RUNDC3B: variants seen among roughly 807,000 people sequenced by gnomAD.
The protein encoded by RUNDC3B is RUN domain-containing protein 3B.
Under a neutral mutation model 58.4 loss-of-function variants are expected in RUNDC3B, and 33 were observed. The observed-to-expected ratio is 0.56, with a 90% confidence interval of 0.43 to 0.75. The LOEUF is 0.75. RUNDC3B is among the 30% of genes least tolerant of loss of function. RUNDC3B has a pLI of 0.00. For missense variants in RUNDC3B, 501 were observed against 535.7 expected, an observed-to-expected ratio of 0.94 and a Z score of 0.64; for synonymous variants, 193 against 195.2, an observed-to-expected ratio of 0.99 and a Z score of 0.10.
At chr7:87,771,462 T>C (rs896650829) in intron 7 of RUNDC3B, among the ~76,000 whole-genome samples, 1 of 152,162 alleles carries the variant, frequency 6.6e-6, no homozygotes, top group Admixed American at 6.5e-5. Context: ...AAACTTTTCA[T>C]GCGCTATTAA....
chr7:87,749,497 G>A (rs933775596), intron 6 of RUNDC3B, among the ~76,000 whole-genome samples: 3 of 152,096 alleles, frequency 2.0e-5, no homozygotes, highest in Non-Finnish European at 4.4e-5. Flanking sequence ...AAGCCAGTTA[G>A]CATCACTAGT....
chr7:87,798,687 AT>A (rs994252389), intron 8 of RUNDC3B, among the ~76,000 whole-genome samples: 1 of 151,942 alleles, frequency 6.6e-6, no homozygotes, highest in South Asian at 2.1e-4. Context: ...GAGTCACTTG[AT>A]TTTTTTTAAG....
intron 6 of RUNDC3B, among the ~76,000 whole-genome samples, chr7:87,761,663 A>G (rs906321255): frequency 1.3e-5 from 2 of 151,920 alleles, no homozygotes; most frequent in African/African-American, 4.8e-5. Context: ...GTTGATACCT[A>G]CCACAACATG....
intron 6 of RUNDC3B, among the ~76,000 whole-genome samples, chr7:87,748,925 A>G (rs2130826818): frequency 6.6e-6 from 1 of 152,314 alleles, no homozygotes; most frequent in East Asian, 1.9e-4. Flanking sequence ...ATGCAGCAGG[A>G]TGATGTTTTG....
At chr7:87,749,225 C>T (rs1243717809) in intron 6 of RUNDC3B, among the ~76,000 whole-genome samples, 1 of 152,180 alleles carries the variant, frequency 6.6e-6, no homozygotes, top group African/African-American at 2.4e-5. Context: ...TTTTCCTCTC[C>T]TACTTACATG....
At chr7:87,708,891 A>G (rs1286588983) in intron 3 of RUNDC3B, among the ~76,000 whole-genome samples, 1 of 152,188 alleles carries the variant, frequency 6.6e-6, no homozygotes. Flanking sequence ...GGCTTAGCAC[A>G]TATTAATTAC....
At chr7:87,803,025 AC>A (rs1836255209) in intron 8 of RUNDC3B, among the ~76,000 whole-genome samples, 1 of 152,210 alleles carries the variant, frequency 6.6e-6, no homozygotes, top group African/African-American at 2.4e-5. Context: ...TGTTTAAAAA[AC>A]ATAAGAAAAA....
chr7:87,721,694 A>G (rs1208899914), intron 4 of RUNDC3B, among the ~76,000 whole-genome samples: 2 of 152,054 alleles, frequency 1.3e-5, no homozygotes, highest in Non-Finnish European at 2.9e-5. Context: ...GCACTTTCTA[A>G]GATTGAGCAA....
At chr7:87,734,941 A>G (rs1258218737) in intron 4 of RUNDC3B, among the ~76,000 whole-genome samples, 1 of 151,978 alleles carries the variant, frequency 6.6e-6, no homozygotes, top group Non-Finnish European at 1.5e-5. Flanking sequence ...GACTGTTCAT[A>G]TTCTCTGGGC....
intron 4 of RUNDC3B, among the ~76,000 whole-genome samples, chr7:87,732,001 G>T (rs1022320104): frequency 1.5e-4 from 23 of 152,098 alleles, no homozygotes; most frequent in Admixed American, 1.5e-3. Flanking sequence ...ATTTTGAAGG[G>T]TATGTTATGT....
intron 6 of RUNDC3B, among the ~76,000 whole-genome samples, chr7:87,766,074 G>T (rs1426471038): frequency 6.6e-6 from 1 of 152,014 alleles, no homozygotes. Context: ...CACTGTTGTT[G>T]ATTTAAAGTC....
chr7:87,749,628 T>A (rs1832846031), intron 6 of RUNDC3B, among the ~76,000 whole-genome samples: 1 of 152,176 alleles, frequency 6.6e-6, no homozygotes, highest in South Asian at 2.1e-4. Flanking sequence ...TTTAAAAATC[T>A]ACTAGATTTC....
intron 2 of RUNDC3B, among the ~76,000 whole-genome samples, chr7:87,655,842 C>T (rs993079630): frequency 6.6e-6 from 1 of 152,074 alleles, no homozygotes; most frequent in Admixed American, 6.6e-5. Flanking sequence ...GTTCTTAGCT[C>T]ATAAGGGCAG....
At chr7:87,827,624 G>C (rs879902425) in intron 10 of RUNDC3B, among the ~76,000 whole-genome samples, 5 of 151,934 alleles carry the variant, frequency 3.3e-5, no homozygotes, top group Non-Finnish European at 7.4e-5. Flanking sequence ...AGATATAACA[G>C]GATTATACAA....
Position 87,807,443 on chromosome 7 carries a change from T to C in RUNDC3B, c.1027T>C (p.Ser343Pro), listed in dbSNP as rs778521561. The C allele has an allele frequency of 1.9e-6, 3 of 1,613,660 alleles. No homozygotes were observed. The highest frequency in any genetic ancestry group is 1.1e-5 in the South Asian group (1 of 91,060). The change falls in exon 9 of 11, where the codon TCT becomes CCT. Residue 343 changes from serine to proline, a missense_variant. Ser to Pro is a moderately conservative substitution (Grantham distance 74). Transcript: ENST00000394654. ...LTAHLTNQWP[S>P]PGALDVNAVA... ...TGCCCATCTCACCAACCAGTGGCCTTCTCCAGGAGCTCTGGATGTCAATGC... is the reference window on the plus strand; with the variant it reads ...TGCCCATCTCACCAACCAGTGGCCTCCTCCAGGAGCTCTGGATGTCAATGC...
intron 6 of RUNDC3B, among the ~76,000 whole-genome samples, chr7:87,754,408 A>G (rs997589746): frequency 2.0e-5 from 3 of 152,238 alleles, no homozygotes; most frequent in African/African-American, 7.2e-5. Context: ...CAAAGATACA[A>G]CATACCAGAA....
chr7:87,829,173 CTTGT>C (rs1048832005), intron 10 of RUNDC3B, among the ~76,000 whole-genome samples: 4 of 151,942 alleles, frequency 2.6e-5, no homozygotes, highest in Non-Finnish European at 2.9e-5. Context: ...TTATTTTTTG[CTTGT>C]TTAATGTTTA....
At chr7:87,728,157 A>G (rs1164219159) in intron 4 of RUNDC3B, among the ~76,000 whole-genome samples, 3 of 152,152 alleles carry the variant, frequency 2.0e-5, no homozygotes, top group Admixed American at 6.6e-5. Context: ...ATTATTTTCT[A>G]TGATAGAAAT....
chr7:87,773,320 C>G (rs1273449224), intron 7 of RUNDC3B, among the ~76,000 whole-genome samples: 1 of 113,922 alleles, frequency 8.8e-6, no homozygotes, highest in East Asian at 2.6e-4. Context: ...GAGACTCCGT[C>G]TCAAAAAAAA....
Sources: gnomAD v4.1 joint callset for allele counts (sites outside exome capture counted in the v4.1 genomes callset) on GRCh38, gnomAD v4.1.1 for gene constraint, MANE v1.5 for transcripts, NCBI Gene and HGNC (gene_info 2026-07-23, HGNC 2026-07-21) for gene names.